BCAP29: variants seen among roughly 807,000 people sequenced by gnomAD.
BCAP29 encodes the protein B cell receptor associated protein 29.
Under a neutral mutation model 31.8 loss-of-function variants are expected in BCAP29, and 34 were observed. The ratio of observed to expected loss-of-function variants is 1.07; its 90% confidence interval spans 0.81 to 1.42. The LOEUF is 1.42. Ranked by LOEUF, BCAP29 falls within the 40% of genes most tolerant of loss-of-function variation. The pLI is 0.00. For missense variants in BCAP29, 314 were observed against 269.2 expected (o/e 1.17, Z -1.16); for synonymous variants, 104 against 91.3 (o/e 1.14, Z -0.79).
intron 1 of BCAP29, 145 bp from the exon 2 acceptor site, chr7:107,580,614 T>C: frequency 1.7e-6 from 1 of 588,726 alleles, no homozygotes; most frequent in Non-Finnish European, 2.9e-6. Flanking sequence ...CCTTTTCCCC[T>C]TCCTGACCGG....
intron 5 of BCAP29, among the ~76,000 whole-genome samples, chr7:107,599,685 T>C (rs1201495170): frequency 5.9e-5 from 9 of 152,134 alleles, no homozygotes; most frequent in East Asian, 5.8e-4. Flanking sequence ...ATGATAATTA[T>C]AGTTTCTGTA....
At position 107,599,210 on chromosome 7, in the gene BCAP29, AAT is replaced by A. The variant is rs61332689; in HGVS notation, c.481-1177_481-1176del. Among the ~76,000 whole-genome samples, 163 of 126,286 alleles carry A rather than the reference AAT, an allele frequency of 1.3e-3. 22 individuals are homozygous for A. The highest frequency in any genetic ancestry group is 4.1e-3 in the African/African-American group (136 of 32,890). 82.8% of individuals were successfully genotyped at this position (126,286 alleles called of 152,430 possible). On this transcript the variant is annotated intron_variant, in intron 5 of 7. Transcript: ENST00000005259. ...ATATGTATATAAATACATATTTATAAATATATATATACATAATTATATATATT... is the reference window on the plus strand; with the variant it reads ...ATATGTATATAAATACATATTTATAAATATATATACATAATTATATATATT...
intron 6 of BCAP29, among the ~76,000 whole-genome samples, chr7:107,609,371 A>G (rs1258984097): frequency 6.6e-6 from 1 of 152,220 alleles, no homozygotes; most frequent in East Asian, 1.9e-4. Flanking sequence ...TCACTTTGAC[A>G]GCATTATAGA....
intron 3 of BCAP29, among the ~76,000 whole-genome samples, chr7:107,588,601 A>G (rs1173799156): frequency 6.6e-6 from 1 of 152,320 alleles, no homozygotes; most frequent in Middle Eastern, 3.4e-3. Context: ...GTCAACCCTT[A>G]AAAGAAGGGA....
At chr7:107,609,312 C>T (rs1038138812) in intron 6 of BCAP29, among the ~76,000 whole-genome samples, 4 of 152,106 alleles carry the variant, frequency 2.6e-5, no homozygotes, top group Non-Finnish European at 5.9e-5. Flanking sequence ...CCTGTTTGTA[C>T]GTTAACATTT....
chr7:107,603,416 A>C (rs2129266296), intron 6 of BCAP29: 1 of 148,178 alleles, frequency 6.7e-6, no homozygotes, highest in East Asian at 2.0e-4. Flanking sequence ...ATACATATAG[A>C]TATAAAAAAC....
intron 3 of BCAP29, among the ~76,000 whole-genome samples, chr7:107,585,910 G>A (rs1807579127): frequency 6.6e-6 from 1 of 152,124 alleles, no homozygotes; most frequent in Non-Finnish European, 1.5e-5. Context: ...AGAATTGTTT[G>A]CACCCGAGAG....
intron 6 of BCAP29, among the ~76,000 whole-genome samples, chr7:107,612,437 A>ATATTTATTTATTTATT (rs1554480153): frequency 3.2e-4 from 36 of 113,246 alleles, no homozygotes; most frequent in African/African-American, 1.3e-3. Context: ...ATATATATAT[A>ATATTTATTTATTTATT]TATTTATTTT....
At chr7:107,600,934 A>G (rs1286059634) in intron 6 of BCAP29, among the ~76,000 whole-genome samples, 1 of 152,218 alleles carries the variant, frequency 6.6e-6, no homozygotes, top group Non-Finnish European at 1.5e-5. Context: ...GACATAAGGA[A>G]AGCGTTCCTT....
At chr7:107,593,174 C>T (rs776472659) in intron 3 of BCAP29, among the ~76,000 whole-genome samples, 3 of 152,144 alleles carry the variant, frequency 2.0e-5, no homozygotes, top group South Asian at 2.1e-4. Flanking sequence ...TTCTGTTGGT[C>T]GCATGAAAGG....
intron 5 of BCAP29, among the ~76,000 whole-genome samples, chr7:107,599,149 A>T (rs1469126598): frequency 2.5e-5 from 3 of 121,974 alleles, no homozygotes; most frequent in African/African-American, 9.4e-5. Context: ...ATGTATATAA[A>T]TATATATTTA....
chr7:107,610,053 C>G (rs565699435), intron 6 of BCAP29, among the ~76,000 whole-genome samples: 1 of 152,316 alleles, frequency 6.6e-6, no homozygotes, highest in South Asian at 2.1e-4. Flanking sequence ...GTCTCACCAG[C>G]TCCTCCCACT....
At chr7:107,622,909 T>C (rs986028684), downstream of BCAP29, 2 of 152,196 alleles carry the variant, frequency 1.3e-5, no homozygotes, top group Non-Finnish European at 2.9e-5. Context: ...CATTCTTTCA[T>C]TCACCTGTGT....
intron 3 of BCAP29, among the ~76,000 whole-genome samples, chr7:107,592,438 T>C (rs891025015): frequency 6.6e-6 from 1 of 152,152 alleles, no homozygotes; most frequent in African/African-American, 2.4e-5. Flanking sequence ...TAATAACAAG[T>C]GTTGCTGAGG....
At chr7:107,602,749 A>G (rs2129263869) in intron 6 of BCAP29, among the ~76,000 whole-genome samples, 1 of 152,092 alleles carries the variant, frequency 6.6e-6, no homozygotes, top group African/African-American at 2.4e-5. Context: ...TACTGAGAAC[A>G]CTCTATCAGT....
chr7:107,612,391 T>A (rs761455409), intron 6 of BCAP29, among the ~76,000 whole-genome samples: 31 of 30,862 alleles, frequency 1.0e-3, no homozygotes, highest in Admixed American at 2.0e-3. Flanking sequence ...ATGTATTGTT[T>A]TATATATATA....
intron 3 of BCAP29, among the ~76,000 whole-genome samples, chr7:107,584,239 GC>G (rs1379315200): frequency 6.6e-6 from 1 of 152,182 alleles, no homozygotes; most frequent in Non-Finnish European, 1.5e-5. Context: ...GTATATTAAT[GC>G]ATACCTTGCT....
intron 4 of BCAP29, among the ~76,000 whole-genome samples, chr7:107,594,790 A>C (rs116307725): frequency 0.027 from 4,121 of 152,174 alleles, 194 homozygotes; most frequent in African/African-American, 0.094. Flanking sequence ...ATGTGAGCCA[A>C]CGCGCCCGGC....
chr7:107,583,840 T>C (rs935886246), intron 2 of BCAP29, 42 bp from the exon 3 acceptor site: 3 of 1,019,720 alleles, frequency 2.9e-6, no homozygotes, highest in South Asian at 3.9e-5. Flanking sequence ...CAAAACTTTA[T>C]TTTAGTTTTT....
Sources: gnomAD v4.1 joint callset for allele counts (sites outside exome capture counted in the v4.1 genomes callset) on GRCh38, gnomAD v4.1.1 for gene constraint, MANE v1.5 for transcripts, NCBI Gene and HGNC (gene_info 2026-07-23, HGNC 2026-07-21) for gene names.